The following MCM9 variants were observed in gnomAD, a reference collection of about 807,000 sequenced individuals.
MCM9 encodes the protein DNA helicase MCM9.
Under a neutral mutation model 72.8 loss-of-function variants are expected in MCM9, and 55 were observed. The observed-to-expected ratio is 0.76, with a 90% CI of 0.61 to 0.95. MCM9 has a LOEUF of 0.95. MCM9 is among the 40% of genes least tolerant of loss of function. The pLI is 0.00. For synonymous variants in MCM9, 480 were observed against 503.4 expected (o/e 0.95, Z 0.62); for missense variants, 1,279 against 1,377.0 (o/e 0.93, Z 1.13).
At chr6:118,830,343 T>G (rs1009940063) in intron 9 of MCM9, among the ~76,000 whole-genome samples, 4 of 152,208 alleles carry the variant, frequency 2.6e-5, no homozygotes, top group Non-Finnish European at 5.9e-5. Context: ...CTTCATTCCC[T>G]GAGGCTGAAA....
chr6:118,855,751 G>T (rs1164763098), intron 9 of MCM9, among the ~76,000 whole-genome samples: 1 of 152,070 alleles, frequency 6.6e-6, no homozygotes, highest in Non-Finnish European at 1.5e-5. Flanking sequence ...CTGTTTGGTG[G>T]CCAGCCTTTG....
intron 8 of MCM9, among the ~76,000 whole-genome samples, chr6:118,868,597 C>T (rs1037477180): frequency 4.6e-5 from 7 of 151,954 alleles, no homozygotes; most frequent in East Asian, 1.9e-4. Context: ...CATCAAAAAG[C>T]GGGCAAAGGA....
intron 3 of MCM9, among the ~76,000 whole-genome samples, chr6:118,926,070 C>G (rs1781868755): frequency 6.6e-6 from 1 of 152,080 alleles, no homozygotes. Context: ...AACCCTGTAC[C>G]CAGTAGCAGT....
At chr6:118,822,594 G>A (rs1364278554) in intron 13 of MCM9, among the ~76,000 whole-genome samples, 4 of 152,188 alleles carry the variant, frequency 2.6e-5, no homozygotes, top group Admixed American at 1.3e-4. Context: ...AGGCACAGGG[G>A]TCAGGGACCA....
In MCM9 at chr6:118,829,087, A is replaced by C. The variant is rs564323368; in HGVS notation, c.1489T>G (p.Trp497Gly). 2 of 1,550,680 alleles carry C rather than the reference A, an allele frequency of 1.3e-6. No homozygotes were observed. Among genetic ancestry groups the C allele is most frequent in the South Asian group, 2.4e-5 (2 of 84,052 alleles). ...LVLLDTKNEDWDRIISSFILE... is the reference protein window; with the variant it reads ...LVLLDTKNEDGDRIISSFILE... ...ATAAAGGAGGAAATGATACGATCCCAGTCTTCATTCTTGGTATCAAGCAAA... is the reference window on the plus strand; with the variant it reads ...ATAAAGGAGGAAATGATACGATCCCCGTCTTCATTCTTGGTATCAAGCAAA... Residue 497 changes from tryptophan (W) to glycine (G), a missense_variant, in exon 10 of 14, where the codon TGG becomes GGG. Physicochemically the swap from Trp to Gly is radical, Grantham distance 184. Coordinates refer to ENST00000619706, the MANE Select transcript of MCM9 (RefSeq NM_017696.3).
chr6:118,841,970 G>A (rs1287322528), intron 9 of MCM9, among the ~76,000 whole-genome samples: 1 of 152,106 alleles, frequency 6.6e-6, no homozygotes, highest in East Asian at 1.9e-4. Flanking sequence ...GAGTAGCTGG[G>A]ACTACAGGCA....
At chr6:118,892,685 G>GGC (rs1454532917) in intron 8 of MCM9, among the ~76,000 whole-genome samples, 1 of 152,180 alleles carries the variant, frequency 6.6e-6, no homozygotes, top group Non-Finnish European at 1.5e-5. Context: ...AAAAATCTGT[G>GGC]TCTATCACCA....
intron 8 of MCM9, chr6:118,908,451 T>C (rs532083043): frequency 6.6e-6 from 1 of 152,288 alleles, no homozygotes; most frequent in East Asian, 1.9e-4. Context: ...CTTTAAAAAT[T>C]CTTTTAATAG....
chr6:118,839,299 C>G lies in MCM9; in HGVS notation c.1326-10049G>C, dbSNP rs143329778. ...CAGGTCATTTATGTTCTTCTCTAAA[C>G]TGGTTATTCTAGTTAGCAATACCTC... On this transcript the variant is annotated intron_variant, in intron 9 of 13. Coordinates refer to ENST00000619706, the MANE Select transcript of MCM9 (RefSeq NM_017696.3). 6.5e-3 allele frequency among the ~76,000 whole-genome samples: 993 copies of G among 152,048 alleles called. 7 individuals are homozygous for G. Among genetic ancestry groups the G allele is most frequent in the African/African-American group, 0.022 (925 of 41,512 alleles).
chr6:118,834,642 TATAA>T (rs1774827803), intron 9 of MCM9, among the ~76,000 whole-genome samples: 1 of 152,134 alleles, frequency 6.6e-6, no homozygotes, highest in South Asian at 2.1e-4. Context: ...TTGTTGGCCA[TATAA>T]ATGTCTTCAT....
intron 8 of MCM9, among the ~76,000 whole-genome samples, chr6:118,882,707 A>T (rs1019832035): frequency 2.7e-5 from 4 of 150,456 alleles, no homozygotes; most frequent in Non-Finnish European, 5.9e-5. Flanking sequence ...TCATCCTAAG[A>T]GTGACTGTAC....
intron 8 of MCM9, among the ~76,000 whole-genome samples, chr6:118,871,862 G>A (rs965976589): frequency 2.6e-5 from 4 of 151,942 alleles, no homozygotes; most frequent in Non-Finnish European, 4.4e-5. Flanking sequence ...AGCAGAGATC[G>A]CACCACCGAA....
At position 118,911,631 on chromosome 6, in the gene MCM9, A is replaced by G. The variant is rs1202838610; in HGVS notation, c.1150+19T>C. On this transcript the variant is annotated intron_variant, in intron 8 of 13. Coordinates refer to ENST00000619706, the MANE Select transcript of MCM9 (RefSeq NM_017696.3). ...TTCTGAAGTAATGTTAAATTACTTG[A>G]AATTGTCACATACAATACCTGCACT... 8 of 1,596,334 alleles carry G rather than the reference A, an allele frequency of 5.0e-6. No individual in the cohort carries two copies. Among genetic ancestry groups the G allele is most frequent in the Non-Finnish European group, 6.8e-6 (8 of 1,171,240 alleles).
At chr6:118,911,815 T>G in intron 7 of MCM9, 46 bp from the exon 8 acceptor site, 1 of 1,469,142 alleles carries the variant, frequency 6.8e-7, no homozygotes, top group Non-Finnish European at 9.4e-7. Flanking sequence ...TATAAAAGGG[T>G]CCATTTGGAA....
chr6:118,927,532 G>C (rs1214631186), intron 3 of MCM9, among the ~76,000 whole-genome samples: 1 of 151,952 alleles, frequency 6.6e-6, no homozygotes, highest in Admixed American at 6.6e-5. Flanking sequence ...TTGAACCTGG[G>C]AGGCGGAGGT....
intron 8 of MCM9, among the ~76,000 whole-genome samples, chr6:118,909,887 C>A (rs183854533): frequency 2.0e-5 from 3 of 152,008 alleles, no homozygotes; most frequent in Non-Finnish European, 4.4e-5. Context: ...GAGGCTGAGG[C>A]GGGTGGATCA....
intron 10 of MCM9, among the ~76,000 whole-genome samples, chr6:118,828,401 T>C (rs1160251677): frequency 6.6e-6 from 1 of 152,086 alleles, no homozygotes. Flanking sequence ...TTTTTTTTTT[T>C]TTGAGATGGA....
rs1380570546 is a variant in MCM9 at position 118,911,693 on chromosome 6, T to C, written c.1107A>G (p.Thr369=). ...SQFLKYAAKI[T]PRSVLTTGIG... The stretch of plus-strand genomic sequence containing the variant: ...TTCCTGTGGTCAGCACAGATCTTGG[T>C]GTAATCTTTGCTGCATATTTGAGGA... Residue 369 remains threonine (T), a synonymous_variant, in exon 8 of 14, where the codon ACA becomes ACG. Coordinates refer to ENST00000619706, the MANE Select transcript of MCM9 (RefSeq NM_017696.3). The C allele has an allele frequency of 1.2e-6, 2 of 1,613,726 alleles. No individual in the cohort carries two copies. Among genetic ancestry groups the C allele is most frequent in the East Asian group, 2.2e-5 (1 of 44,830 alleles).
intron 8 of MCM9, among the ~76,000 whole-genome samples, chr6:118,859,652 T>G (rs1776783972): frequency 6.6e-6 from 1 of 152,214 alleles, no homozygotes; most frequent in African/African-American, 2.4e-5. Context: ...GGGAAACCCC[T>G]AGATTTTCTG....
Sources: allele counts gnomAD v4.1 joint callset (sites outside exome capture counted in the v4.1 genomes callset), GRCh38; gene constraint gnomAD v4.1.1; transcripts MANE v1.5; gene names NCBI Gene and HGNC (gene_info 2026-07-23, HGNC 2026-07-21).